The following PDGFC variants were observed in gnomAD, a reference collection of about 807,000 sequenced individuals.
PDGFC encodes the protein platelet derived growth factor C.
PDGFC carries 12 observed loss-of-function variants against 35.5 expected under a neutral mutation model. The observed-to-expected ratio is 0.34, with a 90% CI of 0.22 to 0.55. The LOEUF is 0.55. PDGFC is among the 20% of genes least tolerant of loss of function. PDGFC has a pLI of 0.91. For missense variants in PDGFC, 322 were observed against 412.4 expected, an observed-to-expected ratio of 0.78 and a Z score of 1.90; for synonymous variants, 159 against 148.8, an observed-to-expected ratio of 1.07 and a Z score of -0.50.
intron 2 of PDGFC, among the ~76,000 whole-genome samples, chr4:156,829,665 C>A (rs1230600926): frequency 6.6e-6 from 1 of 152,078 alleles, no homozygotes; most frequent in East Asian, 1.9e-4. Flanking sequence ...TTGACAGTTT[C>A]AATTATATCA....
intron 1 of PDGFC, among the ~76,000 whole-genome samples, chr4:156,879,544 A>T (rs535812388): frequency 4.4e-4 from 67 of 152,204 alleles, no homozygotes; most frequent in Non-Finnish European, 8.2e-4. Context: ...TTTACTAACA[A>T]GCACAGGACA....
At chr4:156,775,768 T>C (rs1472872526) in intron 3 of PDGFC, among the ~76,000 whole-genome samples, 3 of 152,204 alleles carry the variant, frequency 2.0e-5, no homozygotes, top group African/African-American at 4.8e-5. Context: ...GAGAAAAGCA[T>C]CTTCTGTTAC....
chr4:156,790,395 T>G (rs957797815), intron 3 of PDGFC, among the ~76,000 whole-genome samples: 12 of 152,168 alleles, frequency 7.9e-5, no homozygotes, highest in Admixed American at 2.6e-4. Flanking sequence ...TAGTTAAAAA[T>G]GGAATGGACT....
chr4:156,861,062 T>C (rs951813220), intron 1 of PDGFC, among the ~76,000 whole-genome samples: 1 of 152,118 alleles, frequency 6.6e-6, no homozygotes, highest in African/African-American at 2.4e-5. Flanking sequence ...TAAATGATGG[T>C]AATAAAAATA....
chr4:156,859,438 T>G (rs1729657359), intron 1 of PDGFC, among the ~76,000 whole-genome samples: 1 of 152,274 alleles, frequency 6.6e-6, no homozygotes, highest in Non-Finnish European at 1.5e-5. Context: ...CTAAAGTGTT[T>G]ACAATTGCAT....
intron 1 of PDGFC, among the ~76,000 whole-genome samples, chr4:156,854,782 C>A (rs1250643496): frequency 2.6e-5 from 4 of 151,768 alleles, no homozygotes; most frequent in Admixed American, 2.6e-4. Flanking sequence ...TTTGCTTTTC[C>A]TATATCCAAC....
At chr4:156,868,771 C>T (rs1311200910) in intron 1 of PDGFC, among the ~76,000 whole-genome samples, 1 of 152,120 alleles carries the variant, frequency 6.6e-6, no homozygotes, top group Non-Finnish European at 1.5e-5. Flanking sequence ...CTTAGATATT[C>T]TATAGAACTG....
chr4:156,955,490 A>G (rs1190685117), intron 1 of PDGFC, among the ~76,000 whole-genome samples: 1 of 152,040 alleles, frequency 6.6e-6, no homozygotes, highest in Non-Finnish European at 1.5e-5. Context: ...AAAACATTCC[A>G]TTTTATTTGG....
chr4:156,807,560 G>C (rs981189945), intron 3 of PDGFC, among the ~76,000 whole-genome samples: 2 of 151,834 alleles, frequency 1.3e-5, no homozygotes, highest in African/African-American at 4.8e-5. Context: ...AAAAAGAGTG[G>C]GTAAATCATC....
At position 156,968,467 on chromosome 4, in the gene PDGFC, G is replaced by A. The variant is rs569619694; in HGVS notation, c.118+2319C>T. On this transcript the variant is annotated intron_variant, in intron 1 of 5. Coordinates refer to ENST00000502773, the MANE Select transcript of PDGFC (RefSeq NM_016205.3). Reference sequence around the variant, plus strand: ...AAAATTCAATCATAATTCAGTATGTGGGCAAAAGATTACCCACATAATGGA... The same window carrying A: ...AAAATTCAATCATAATTCAGTATGTAGGCAAAAGATTACCCACATAATGGA... 9.2e-5 allele frequency among the ~76,000 whole-genome samples: 14 copies of A among 152,090 alleles called. No homozygotes were observed. The East Asian group carries it at 2.5e-3, about 27-fold the overall frequency.
At chr4:156,950,986 T>C (rs1442806745) in intron 1 of PDGFC, among the ~76,000 whole-genome samples, 1 of 151,868 alleles carries the variant, frequency 6.6e-6, no homozygotes, top group Non-Finnish European at 1.5e-5. Flanking sequence ...TGACAGTTTA[T>C]AACCTAAACA....
intron 3 of PDGFC, among the ~76,000 whole-genome samples, chr4:156,785,488 A>T (rs945381275): frequency 6.6e-6 from 1 of 152,166 alleles, no homozygotes; most frequent in Non-Finnish European, 1.5e-5. Context: ...TGCTGGGATT[A>T]CGGATGTGAG....
At chr4:156,764,576 T>G (rs1379538734) in intron 5 of PDGFC, among the ~76,000 whole-genome samples, 1 of 152,190 alleles carries the variant, frequency 6.6e-6, no homozygotes, top group Non-Finnish European at 1.5e-5. Flanking sequence ...GTAACTTTCT[T>G]CCTGAAGAGA....
chr4:156,970,880 CAGG>C lies in PDGFC; in HGVS notation c.21_23del (p.Leu9del). On this transcript the variant is annotated inframe_deletion, in exon 1 of 6. Coordinates refer to ENST00000502773, the MANE Select transcript of PDGFC (RefSeq NM_016205.3). ...TCTGGCCGGCCAGGGCAGATGTCAG[CAGG>C]AGAAGCCCGAAGAGGCTCATTTGGC... 1.2e-6 allele frequency: 2 copies of C among 1,613,630 alleles called. No individual in the cohort carries two copies. Among genetic ancestry groups the C allele is most frequent in the Non-Finnish European group, 1.7e-6 (2 of 1,179,598 alleles).
chr4:156,879,597 T>C (rs184041401), intron 1 of PDGFC, among the ~76,000 whole-genome samples: 2 of 152,298 alleles, frequency 1.3e-5, no homozygotes, highest in Admixed American at 1.3e-4. Context: ...TTTGTTTAAA[T>C]CTTTATACAA....
At chr4:156,960,254 A>ATATATATATATATATATATATG (rs1732310917) in intron 1 of PDGFC, among the ~76,000 whole-genome samples, 5 of 141,932 alleles carry the variant, frequency 3.5e-5, no homozygotes, top group African/African-American at 1.0e-4. Flanking sequence ...TATAACTGTT[A>ATATATATATATATATATATATG]TATATATATA....
chr4:156,827,198 A>C (rs905589148), intron 2 of PDGFC, among the ~76,000 whole-genome samples: 11 of 152,278 alleles, frequency 7.2e-5, no homozygotes, highest in Non-Finnish European at 1.5e-4. Context: ...TGGGCGGAAC[A>C]CGAGGTCAGG....
chr4:156,797,531 T>C (rs1168168392), intron 3 of PDGFC, among the ~76,000 whole-genome samples: 2 of 152,216 alleles, frequency 1.3e-5, no homozygotes, highest in African/African-American at 4.8e-5. Flanking sequence ...ATCTTTTGGC[T>C]TCCCTGTCCC....
At chr4:156,887,658 C>T (rs1018596483) in intron 1 of PDGFC, among the ~76,000 whole-genome samples, 3 of 151,894 alleles carry the variant, frequency 2.0e-5, no homozygotes, top group Non-Finnish European at 2.9e-5. Flanking sequence ...AAACTTATTC[C>T]GTGAATAGTT....
Sources: gnomAD v4.1 joint callset for allele counts (sites outside exome capture counted in the v4.1 genomes callset) on GRCh38, gnomAD v4.1.1 for gene constraint, MANE v1.5 for transcripts, NCBI Gene and HGNC (gene_info 2026-07-23, HGNC 2026-07-21) for gene names.